Variants in NAGLU observed in about 807,000 individuals in gnomAD.
NAGLU encodes N-acetyl-alpha-glucosaminidase, also known as alpha-N-acetylglucosaminidase.
In NAGLU, 34 loss-of-function variants were observed where a neutral mutation model predicts 43.4. The observed-to-expected ratio is 0.78, with a 90% CI of 0.60 to 1.04. The LOEUF (loss-of-function observed/expected upper bound fraction) is 1.04. Ranked by LOEUF, NAGLU falls within the 50% of genes least tolerant of loss-of-function variation. NAGLU has a pLI of 0.00. For missense variants in NAGLU, 910 were observed against 993.7 expected (o/e 0.92, Z 1.13); for synonymous variants, 425 against 437.6 (o/e 0.97, Z 0.36).
chr17:42,542,421 C>G (rs2092923764), intron 5 of NAGLU, among the ~76,000 whole-genome samples: 1 of 152,136 alleles, frequency 6.6e-6, no homozygotes, highest in Non-Finnish European at 1.5e-5. Flanking sequence ...TGGTCTCAAA[C>G]TCCTGACCTC....
Position 42,536,395 on chromosome 17 carries a change from GC to G in NAGLU, c.125del (p.Pro42GlnfsTer80). 1 of 1,220,752 alleles carries G rather than the reference GC, an allele frequency of 8.2e-7. No homozygotes were observed. 75.6% of individuals were successfully genotyped at this position (1,220,752 alleles called of 1,614,324 possible). ...GGGCGCTCGTGGCCCGGCTGCTGGG[GC>G]CAGGCCCCGCGGCCGACTTCTCCGT... ...VRALVARLLG[P>X]GPAADFSVSV... On this transcript the variant is annotated frameshift_variant, in exon 1 of 6. Coordinates refer to ENST00000225927, the MANE Select transcript of NAGLU (RefSeq NM_000263.4). LOFTEE classifies it high-confidence loss of function.
Position 42,544,180 on chromosome 17 carries a change from A to T in NAGLU, c.2174A>T (p.Asp725Val). 6.2e-7 allele frequency: 1 copy of T among 1,613,252 alleles called. No individual in the cohort carries two copies. The change falls in exon 6 of 6, where the codon GAC becomes GTC. Residue 725 changes from aspartate to valine, a missense_variant. Asp to Val is a radical substitution (Grantham distance 152). Coordinates refer to ENST00000225927, the MANE Select transcript of NAGLU (RefSeq NM_000263.4). The part of the protein sequence containing the change: ...YPSQPRGDTV[D>V]LAKKIFLKYY... ...AGCCAGCCGCGAGGAGACACTGTGGACCTGGCCAAGAAGATCTTCCTCAAA... is the reference window on the plus strand; with the variant it reads ...AGCCAGCCGCGAGGAGACACTGTGGTCCTGGCCAAGAAGATCTTCCTCAAA...
In NAGLU at chr17:42,543,514, A is replaced by G. The variant is rs757325483; in HGVS notation, c.1508A>G (p.Asn503Ser). ...AGGCTACTGCTCCGGAGTGTGTACA[A>G]CTGCTCCGGGGAGGCCTGCAGGGGC... is the stretch of plus-strand genomic sequence containing the variant. ...AWRLLLRSVY[N>S]CSGEACRGHN... Residue 503 changes from asparagine (N) to serine (S), a missense_variant, in exon 6 of 6, where the codon AAC becomes AGC. Coordinates refer to ENST00000225927, the MANE Select transcript of NAGLU (RefSeq NM_000263.4). 1.8e-5 allele frequency: 29 copies of G among 1,605,578 alleles called. No individual in the cohort carries two copies. Among genetic ancestry groups the G allele is most frequent in the Non-Finnish European group, 2.3e-5 (27 of 1,177,926 alleles).
Position 42,544,115 on chromosome 17 carries a change from A to T in NAGLU, c.2109A>T (p.Gln703His). The change falls in exon 6 of 6, where the codon CAA (glutamine) becomes CAT (histidine). Residue 703 changes from glutamine to histidine, a missense_variant. By Grantham distance (24) the Gln-to-His change is conservative (BLOSUM62 0). Coordinates refer to ENST00000225927, the MANE Select transcript of NAGLU (RefSeq NM_000263.4). ...QQHQFDKNVF[Q>H]LEQAFVLSKQ... The stretch of plus-strand genomic sequence containing the variant: ...ACCAGTTTGACAAAAATGTCTTCCA[A>T]CTGGAGCAGGCCTTCGTTCTCAGCA... 1 of 1,614,032 alleles carries T rather than the reference A, an allele frequency of 6.2e-7. No homozygotes were observed. The highest frequency in any genetic ancestry group is 8.5e-7 in the Non-Finnish European group (1 of 1,180,004).
At position 42,543,753 on chromosome 17, in the gene NAGLU, T is replaced by C; in HGVS notation, c.1747T>C (p.Tyr583His). The change falls in exon 6 of 6, where the codon TAC (tyrosine) becomes CAC (histidine). Residue 583 changes from tyrosine to histidine, a missense_variant. Transcript: ENST00000225927. The stretch of plus-strand genomic sequence containing the variant: ...GTACTATGAGGAGGCAAGAAGCGCC[T>C]ACCTGAGCAAGGAGCTGGCCTCCCT... Reference protein sequence around the residue: ...SLYYEEARSAYLSKELASLLR... With the variant: ...SLYYEEARSAHLSKELASLLR... The C allele has an allele frequency of 6.2e-7, 1 of 1,611,250 alleles. No individual in the cohort carries two copies. Among genetic ancestry groups the C allele is most frequent in the South Asian group, 1.1e-5 (1 of 90,960 alleles).
At position 42,537,516 on chromosome 17, in the gene NAGLU, T is replaced by C. The variant is rs2092910000; in HGVS notation, c.502T>C (p.Trp168Arg). The C allele has an allele frequency of 6.2e-7, 1 of 1,614,170 alleles. No homozygotes were observed. Among genetic ancestry groups the C allele is most frequent in the Non-Finnish European group, 8.5e-7 (1 of 1,180,028 alleles). The change falls in exon 2 of 6, where the codon TGG becomes CGG. Residue 168 changes from tryptophan to arginine, a missense_variant. Coordinates refer to ENST00000225927, the MANE Select transcript of NAGLU (RefSeq NM_000263.4). ...ALNGINLALA[W>R]SGQEAIWQRV... ...GAATGGCATCAACCTGGCACTGGCC[T>C]GGAGCGGCCAGGAGGCCATCTGGCA...
rs144304460 is a variant in NAGLU at position 42,538,549 on chromosome 17, G to A, written c.678+64G>A. The A allele has an allele frequency of 1.3e-4, 214 of 1,613,186 alleles. No individual in the cohort carries two copies. The African/African-American group carries it at 2.7e-3, about 20-fold the overall frequency. ...AGATGGTCATGGGCCCAGGAAGGGT[G>A]GTATTAGGCCGGCCCCAGGGCTCTT... On this transcript the variant is annotated intron_variant, in intron 3 of 5. Coordinates refer to ENST00000225927, the MANE Select transcript of NAGLU (RefSeq NM_000263.4).
intron 4 of NAGLU, among the ~76,000 whole-genome samples, chr17:42,540,651 G>A (rs184260758): frequency 6.7e-6 from 1 of 149,016 alleles, no homozygotes; most frequent in African/African-American, 2.5e-5. Flanking sequence ...AGCTGAGAAT[G>A]CGCCACTGCA....
intron 5 of NAGLU, among the ~76,000 whole-genome samples, chr17:42,542,532 C>T (rs140094509): frequency 2.2e-3 from 342 of 152,262 alleles, no homozygotes; most frequent in Non-Finnish European, 3.9e-3. Context: ...CTTACTCTGT[C>T]GCCCAGACTG....
At chr17:42,539,982 C>T (rs868573329) in intron 4 of NAGLU, among the ~76,000 whole-genome samples, 4 of 151,872 alleles carry the variant, frequency 2.6e-5, no homozygotes, top group African/African-American at 4.8e-5. Flanking sequence ...GGCGTGGTGG[C>T]GGGCTCCTGT....
Position 42,543,519 on chromosome 17 carries a change from T to G in NAGLU, c.1513T>G (p.Ser505Ala). The G allele has an allele frequency of 1.2e-6, 2 of 1,606,204 alleles. No individual in the cohort carries two copies. The highest frequency in any genetic ancestry group is 1.7e-6 in the Non-Finnish European group (2 of 1,178,050). Residue 505 changes from serine to alanine, a missense_variant, in exon 6 of 6, where the codon TCC becomes GCC. Physicochemically the swap from Ser to Ala is moderately conservative, Grantham distance 99. Coordinates refer to ENST00000225927, the MANE Select transcript of NAGLU (RefSeq NM_000263.4). ...RLLLRSVYNC[S>A]GEACRGHNRS... ...ACTGCTCCGGAGTGTGTACAACTGC[T>G]CCGGGGAGGCCTGCAGGGGCCACAA...
chr17:42,536,396 C>A lies in NAGLU; in HGVS notation c.124C>A (p.Pro42Thr). ...GGCGCTCGTGGCCCGGCTGCTGGGG[C>A]CAGGCCCCGCGGCCGACTTCTCCGT... ...VRALVARLLGPGPAADFSVSV... is the reference protein window; with the variant it reads ...VRALVARLLGTGPAADFSVSV... Residue 42 changes from proline (P) to threonine (T), a missense_variant, in exon 1 of 6, where the codon CCA becomes ACA. Transcript: ENST00000225927. 8.2e-7 allele frequency: 1 copy of A among 1,226,834 alleles called. No homozygotes were observed. The highest frequency in any genetic ancestry group is 1.0e-6 in the Non-Finnish European group (1 of 976,868). The allele number at this position is 1,226,834 out of a possible 1,614,324, so 76.0% of individuals were successfully genotyped here. A position where few individuals can be genotyped will look rare whatever the true frequency, so the allele number is the denominator to read the frequency against.
chr17:42,544,257 G>T lies in NAGLU; in HGVS notation c.*19G>T. 6.2e-7 allele frequency: 1 copy of T among 1,605,406 alleles called. No individual in the cohort carries two copies. Among genetic ancestry groups the T allele is most frequent in the Non-Finnish European group, 8.5e-7 (1 of 1,179,974 alleles). On this transcript the variant is annotated 3_prime_UTR_variant, in exon 6 of 6. Transcript: ENST00000225927. ...TTGGTGATAGATTCGCCACCACTGG[G>T]CCTTGTTTTCCGCTAATTCCAGGGC...
In NAGLU at chr17:42,544,021, C is replaced by T. The variant is rs1358789110; in HGVS notation, c.2015C>T (p.Thr672Ile). 1.2e-6 allele frequency: 2 copies of T among 1,611,192 alleles called. No individual in the cohort carries two copies. Among genetic ancestry groups the T allele is most frequent in the Non-Finnish European group, 1.7e-6 (2 of 1,178,750 alleles). ...QLAGLVANYY[T>I]PRWRLFLEAL... ...GCGGGGTTGGTGGCCAACTACTACA[C>T]CCCTCGCTGGCGGCTTTTCCTGGAG... Residue 672 changes from threonine to isoleucine, a missense_variant, in exon 6 of 6, where the codon ACC becomes ATC. By Grantham distance (89) the Thr-to-Ile change is moderately conservative (BLOSUM62 -1). Coordinates refer to ENST00000225927, the MANE Select transcript of NAGLU (RefSeq NM_000263.4).
Position 42,536,560 on chromosome 17 carries a change from C to A in NAGLU, c.288C>A (p.Phe96Leu). 2 of 1,479,134 alleles carry A rather than the reference C, an allele frequency of 1.4e-6. No homozygotes were observed. Among genetic ancestry groups the A allele is most frequent in the South Asian group, 1.3e-5 (1 of 77,598 alleles). 91.6% of individuals were successfully genotyped at this position (1,479,134 alleles called of 1,614,324 possible). ...GGCTGCACCGCTACCTGCGCGACTT[C>A]TGTGGCTGCCACGTGGCCTGGTCCG... The part of the protein sequence containing the change: ...AAGLHRYLRD[F>L]CGCHVAWSGS... Residue 96 changes from phenylalanine to leucine, a missense_variant, in exon 1 of 6, where the codon TTC (phenylalanine) becomes TTA (leucine). Physicochemically the swap from Phe to Leu is conservative, Grantham distance 22. Transcript: ENST00000225927.
At chr17:42,540,487 C>T (rs1402386503) in intron 4 of NAGLU, among the ~76,000 whole-genome samples, 1 of 151,208 alleles carries the variant, frequency 6.6e-6, no homozygotes, top group East Asian at 1.9e-4. Context: ...ACAAGGTCAG[C>T]AGATCGAGAC....
intron 4 of NAGLU, among the ~76,000 whole-genome samples, chr17:42,540,695 CAAAA>C (rs369880072): frequency 1.5e-4 from 9 of 58,430 alleles, no homozygotes; most frequent in Non-Finnish European, 1.4e-4. Flanking sequence ...GACTCTGCCT[CAAAA>C]AAAAAAAAAA....
At position 42,541,214 on chromosome 17, in the gene NAGLU, G is replaced by A. The variant is rs749198686; in HGVS notation, c.1021+8G>A. 2 of 1,611,988 alleles carry A rather than the reference G, an allele frequency of 1.2e-6. No individual in the cohort carries two copies. Among genetic ancestry groups the A allele is most frequent in the South Asian group, 2.2e-5 (2 of 91,086 alleles). On this transcript the variant is annotated splice_region_variant and intron_variant, in intron 5 of 5. Transcript: ENST00000225927. ...ATGAGGCCATGACTGCAGGTACAGTGCCTGGGTGGGGTGGGAGAGCCCCCC... is the reference window on the plus strand; with the variant it reads ...ATGAGGCCATGACTGCAGGTACAGTACCTGGGTGGGGTGGGAGAGCCCCCC...
At chr17:42,539,974 C>T (rs1018234361) in intron 4 of NAGLU, among the ~76,000 whole-genome samples, 3 of 151,878 alleles carry the variant, frequency 2.0e-5, no homozygotes, top group East Asian at 1.9e-4. Context: ...ATTAGCCAGG[C>T]GTGGTGGCGG....
Sources: gnomAD v4.1 joint callset for allele counts (sites outside exome capture counted in the v4.1 genomes callset) on GRCh38, gnomAD v4.1.1 for gene constraint, MANE v1.5 for transcripts, NCBI Gene and HGNC (gene_info 2026-07-23, HGNC 2026-07-21) for gene names.